The following ROBO4 variants were observed in gnomAD, a reference collection of about 807,000 sequenced individuals.
ROBO4 encodes the protein roundabout homolog 4.
Under a neutral mutation model 103.3 loss-of-function variants are expected in ROBO4, and 80 were observed. The observed-to-expected ratio is 0.77, with a 90% CI of 0.65 to 0.93. ROBO4 has a LOEUF of 0.93. ROBO4 is among the 40% of genes least tolerant of loss of function. The probability of loss-of-function intolerance (pLI) is 0.00; values close to 1 mark genes in which losing one functional copy is unlikely to be tolerated. For synonymous variants in ROBO4, 504 were observed against 529.7 expected (o/e 0.95, Z 0.67); for missense variants, 1,333 against 1,305.3 (o/e 1.02, Z -0.33).
intron 6 of ROBO4, 53 bp downstream of exon 6, chr11:124,895,404 T>C: frequency 6.5e-7 from 1 of 1,544,154 alleles, no homozygotes; most frequent in Non-Finnish European, 8.8e-7. Context: ...GGCCCCCAAA[T>C]AAGAAGGAGC....
intron 10 of ROBO4, 185 bp from the exon 11 acceptor site, chr11:124,891,987 C>T (rs965990015): frequency 5.3e-6 from 4 of 759,126 alleles, no homozygotes; most frequent in Non-Finnish European, 9.1e-6. Flanking sequence ...AAACCCAGCA[C>T]CCCTTTCTTA....
At chr11:124,886,034 C>CA (rs1188623190) in intron 16 of ROBO4, among the ~76,000 whole-genome samples, 1 of 152,002 alleles carries the variant, frequency 6.6e-6, no homozygotes, top group African/African-American at 2.4e-5. Flanking sequence ...ACTAAAAATA[C>CA]AAAAAAATTA....
chr11:124,887,275 C>T (rs910667310), intron 14 of ROBO4, 62 bp from the exon 15 acceptor site: 11 of 1,599,270 alleles, frequency 6.9e-6, no homozygotes, highest in East Asian at 2.2e-5. Flanking sequence ...CCTTTCCCCC[C>T]TTCCCCAGCC....
chr11:124,887,470 G>T lies in ROBO4; in HGVS notation c.2086C>A (p.Arg696=), dbSNP rs777799328. 102 of 1,613,806 alleles carry T rather than the reference G, an allele frequency of 6.3e-5. No individual in the cohort carries two copies. Among genetic ancestry groups the T allele is most frequent in the Non-Finnish European group, 8.4e-5 (99 of 1,179,972 alleles). ...GAVPQALVAW[R]ALGPKLLSSS... ...CTGAGGAGTTTCGGTCCCAGGGCCC[G>T]CCAGGCAACCAGAGCTTGGGGCACA... Residue 696 remains arginine, a synonymous_variant, in exon 14 of 18, where the codon CGG becomes AGG. Coordinates refer to ENST00000306534, the MANE Select transcript of ROBO4 (RefSeq NM_019055.6).
Position 124,896,614 on chromosome 11 carries a change from G to T in ROBO4, c.457C>A (p.Gln153Lys). The change falls in exon 3 of 18, where the codon CAG becomes AAG. Residue 153 changes from glutamine to lysine, a missense_variant. Transcript: ENST00000306534. ...GGCGGCCCACATTCCAGAGTAAACTGCTCACCCACCACAGCCACCATGTCC... is the reference window on the plus strand; with the variant it reads ...GGCGGCCCACATTCCAGAGTAAACTTCTCACCCACCACAGCCACCATGTCC... ...PRDMVAVVGE[Q>K]FTLECGPPWG... The T allele has an allele frequency of 6.2e-7, 1 of 1,614,154 alleles. No homozygotes were observed. Among genetic ancestry groups the T allele is most frequent in the Non-Finnish European group, 8.5e-7 (1 of 1,180,006 alleles).
rs1293669584 is a variant in ROBO4 at position 124,895,681 on chromosome 11, C to G, written c.812G>C (p.Ser271Thr). Residue 271 changes from serine (S) to threonine (T), a missense_variant, in exon 6 of 18, where the codon AGT becomes ACT. Transcript: ENST00000306534. Reference protein sequence around the residue: ...RPAVWLSWKVSGPAAPAQSYT... With the variant: ...RPAVWLSWKVTGPAAPAQSYT... Reference sequence around the variant, plus strand: ...AGATTGGGCAGGCGCAGCAGGGCCACTGACCTGGGAAGGAGTTTCGAGGAA... The same window carrying G: ...AGATTGGGCAGGCGCAGCAGGGCCAGTGACCTGGGAAGGAGTTTCGAGGAA... 1 of 1,612,496 alleles carries G rather than the reference C, an allele frequency of 6.2e-7. No individual in the cohort carries two copies. Among genetic ancestry groups the G allele is most frequent in the Non-Finnish European group, 8.5e-7 (1 of 1,178,736 alleles).
chr11:124,890,966 G>T (rs1281438840), intron 12 of ROBO4, among the ~76,000 whole-genome samples: 1 of 152,230 alleles, frequency 6.6e-6, no homozygotes, highest in East Asian at 1.9e-4. Flanking sequence ...GAAGTCAGGG[G>T]CTGTGTCTGA....
intron 7 of ROBO4, 143 bp downstream of exon 7, chr11:124,894,938 G>A (rs1446489130): frequency 3.0e-6 from 2 of 667,028 alleles, no homozygotes; most frequent in Non-Finnish European, 5.3e-6. Flanking sequence ...GAAGCCAGTG[G>A]GTCCTTGCTC....
rs1450110653 is a variant in ROBO4, at chr11:124,891,554, A to G, written c.1693T>C (p.Trp565Arg). The G allele has an allele frequency of 6.2e-7, 1 of 1,614,234 alleles. No individual in the cohort carries two copies. Reference sequence around the variant, plus strand: ...GGCACGCCGGGGCTTCGGGAGTCCCAGGAGAGCACTGTGACATAAATGACA... The same window carrying G: ...GGCACGCCGGGGCTTCGGGAGTCCCGGGAGAGCACTGTGACATAAATGACA... ...PLDCRRSLLS[W>R]DSRSPGVPLL... The change falls in exon 12 of 18, where the codon TGG (tryptophan) becomes CGG (arginine). Residue 565 changes from tryptophan (W) to arginine (R), a missense_variant. Trp to Arg is a moderately radical substitution (Grantham distance 101). Transcript: ENST00000306534.
Position 124,897,763 on chromosome 11 carries a change from G to GC in ROBO4, c.32dup (p.Arg12GlnfsTer74), listed in dbSNP as rs781111238. 6.2e-7 allele frequency: 1 copy of GC among 1,613,868 alleles called. No homozygotes were observed. Among genetic ancestry groups the GC allele is most frequent in the South Asian group, 1.1e-5 (1 of 91,058 alleles). On this transcript the variant is annotated frameshift_variant, in exon 1 of 18. Transcript: ENST00000306534. LOFTEE classifies it high-confidence loss of function. ...GGAGCAGCAGAGGCAGGGAACCCCT[G>GC]CCCCCCAGGAGGCTGTCTCCTCCAG...
Position 124,887,178 on chromosome 11 carries a change from A to C in ROBO4, c.2234T>G (p.Leu745Arg). 6.2e-7 allele frequency: 1 copy of C among 1,601,308 alleles called. No individual in the cohort carries two copies. Among genetic ancestry groups the C allele is most frequent in the South Asian group, 1.1e-5 (1 of 89,266 alleles). Residue 745 changes from leucine (L) to arginine (R), a missense_variant, in exon 15 of 18, where the codon CTG (leucine) becomes CGG (arginine). By Grantham distance (102) the Leu-to-Arg change is moderately radical. Coordinates refer to ENST00000306534, the MANE Select transcript of ROBO4 (RefSeq NM_019055.6). ...GATGGGGATGGGGGCTGCTGGCAGC[A>C]GGATGGAGGAGGGAGCCTGTGGTGC... Reference protein sequence around the residue: ...PVAPQAPSSILLPAAPIPILS... With the variant: ...PVAPQAPSSIRLPAAPIPILS...
At chr11:124,886,894 G>A in intron 15 of ROBO4, 72 bp from the exon 16 acceptor site, 1 of 1,535,442 alleles carries the variant, frequency 6.5e-7, no homozygotes, top group South Asian at 1.3e-5. Context: ...AAAAGCCCCA[G>A]TTGAGGGAGG....
rs570766237 is a variant in ROBO4, at chr11:124,887,870, C to T, written c.1949-30G>A. On this transcript the variant is annotated intron_variant, in intron 12 of 17. Transcript: ENST00000306534. ...AAAGAAAGGGTTGGTGGTTGTGGGG[C>T]CCAGGATGGACTTTTCAGACCCCAG... The T allele has an allele frequency of 1.5e-5, 23 of 1,583,636 alleles. No homozygotes were observed. The South Asian group carries it at 2.5e-4, about 17-fold the overall frequency.
Position 124,891,647 on chromosome 11 carries a change from C to T in ROBO4, c.1684+19G>A, listed in dbSNP as rs187820185. 4.8e-4 allele frequency: 771 copies of T among 1,614,152 alleles called. 12 individuals are homozygous for T. The South Asian group carries it at 6.3e-3, about 13-fold the overall frequency. On this transcript the variant is annotated intron_variant, in intron 11 of 17. Coordinates refer to ENST00000306534, the MANE Select transcript of ROBO4 (RefSeq NM_019055.6). Reference sequence around the variant, plus strand: ...TCACTGCCCCCAGCTAGGCCCTTGCCCCCACTGAGCATGCTCACAGGAGCG... The same window carrying T: ...TCACTGCCCCCAGCTAGGCCCTTGCTCCCACTGAGCATGCTCACAGGAGCG...
intron 11 of ROBO4, 50 bp downstream of exon 11, chr11:124,891,616 C>T: frequency 6.2e-7 from 1 of 1,614,184 alleles, no homozygotes; most frequent in African/African-American, 1.3e-5. Flanking sequence ...CTTTCCATCC[C>T]TGAGATCACT....
At chr11:124,888,339 A>G (rs1946748351) in intron 12 of ROBO4, among the ~76,000 whole-genome samples, 1 of 152,166 alleles carries the variant, frequency 6.6e-6, no homozygotes, top group Non-Finnish European at 1.5e-5. Flanking sequence ...CATTTCTCAC[A>G]TTGCAAATAT....
Position 124,894,024 on chromosome 11 carries a change from G to A in ROBO4, c.1340C>T (p.Thr447Ile), listed in dbSNP as rs769805830. ...LLLEQAMERA[T>I]QEPSEHGPWT... ...GGGACCATGCTCACTGGGTTCTTGG[G>A]TGGCTCGCTCCATGGCCTGCTCTGT... The change falls in exon 9 of 18, where the codon ACC (threonine) becomes ATC (isoleucine). Residue 447 changes from threonine to isoleucine, a missense_variant. Thr to Ile is a moderately conservative substitution (Grantham distance 89). Transcript: ENST00000306534. 6.4e-7 allele frequency: 1 copy of A among 1,554,190 alleles called. No homozygotes were observed. The highest frequency in any genetic ancestry group is 2.3e-5 in the East Asian group (1 of 44,334).
At chr11:124,891,896 G>T in intron 10 of ROBO4, 94 bp from the exon 11 acceptor site, 1 of 1,405,782 alleles carries the variant, frequency 7.1e-7, no homozygotes, top group Non-Finnish European at 9.8e-7. Flanking sequence ...CAGCAGAAGA[G>T]GGCAAGGAGA....
At chr11:124,894,167 A>G (rs772501652) in intron 8 of ROBO4, 34 bp downstream of exon 8, 30 of 1,581,292 alleles carry the variant, frequency 1.9e-5, no homozygotes, top group Admixed American at 1.0e-4. Context: ...ATGCAGGCTG[A>G]AGGGTAGGGT....
Sources: allele counts gnomAD v4.1 joint callset (sites outside exome capture counted in the v4.1 genomes callset), GRCh38; gene constraint gnomAD v4.1.1; transcripts MANE v1.5; gene names NCBI Gene and HGNC (gene_info 2026-07-23, HGNC 2026-07-21).